ASPSCR1: variants seen among roughly 807,000 people sequenced by gnomAD.
ASPSCR1 encodes tether containing UBX domain for GLUT4.
Under a neutral mutation model 68.9 loss-of-function variants are expected in ASPSCR1, and 55 were observed. That is an observed-to-expected ratio of 0.80 (90% confidence interval 0.64 to 1.00). The LOEUF is 1.00. Among genes scored for constraint, ASPSCR1 ranks in the 50% least tolerant of loss-of-function variants. The pLI is 0.00. For missense variants in ASPSCR1, 765 were observed against 762.2 expected, an observed-to-expected ratio of 1.00 and a Z score of -0.04; for synonymous variants, 352 against 332.6, an observed-to-expected ratio of 1.06 and a Z score of -0.63.
At position 82,010,866 on chromosome 17, in the gene ASPSCR1, C is replaced by T; in HGVS notation, c.1235C>T (p.Thr412Ile). Residue 412 changes from threonine (T) to isoleucine (I), a missense_variant and splice_region_variant, in exon 10 of 16, where the codon ACA becomes ATA. Thr to Ile is a moderately conservative substitution (Grantham distance 89). Coordinates refer to ENST00000306739, the MANE Select transcript of ASPSCR1 (RefSeq NM_024083.4). The stretch of plus-strand genomic sequence containing the variant: ...CAGGGCTTCTTCCGCCCCAGCGAGA[C>T]AGGTGGGCAGCGCTGTGGGGTGTCC... ...VLQGFFRPSE[T>I]VGDLRDFVRS... 1.2e-6 allele frequency: 2 copies of T among 1,612,224 alleles called. No homozygotes were observed. The highest frequency in any genetic ancestry group is 1.7e-6 in the Non-Finnish European group (2 of 1,179,894).
intron 8 of ASPSCR1, 147 bp downstream of exon 8, chr17:82,009,338 G>A: frequency 2.2e-6 from 3 of 1,377,662 alleles, no homozygotes; most frequent in Non-Finnish European, 2.9e-6. Context: ...AGAGGGTTGG[G>A]GCCCAGGGAG....
At chr17:81,978,826 C>T in intron 1 of ASPSCR1, 1 of 337,266 alleles carries the variant, frequency 3.0e-6, no homozygotes, top group Non-Finnish European at 5.6e-6. Flanking sequence ...CGTGCCAGAG[C>T]CAGGGGGTAG....
At chr17:82,012,195 G>T (rs769829365) in intron 11 of ASPSCR1, 36 bp from the exon 12 acceptor site, 2 of 1,604,836 alleles carry the variant, frequency 1.2e-6, no homozygotes, top group Non-Finnish European at 1.7e-6. Context: ...CGAGGTCCAC[G>T]GTGCTTCCTA....
chr17:81,997,487 G>GTTTT (rs774654669), intron 7 of ASPSCR1, among the ~76,000 whole-genome samples: 1 of 135,904 alleles, frequency 7.4e-6, no homozygotes, highest in Non-Finnish European at 1.6e-5. Flanking sequence ...TTTTTTCTGG[G>GTTTT]TTTTTTTTTT....
In ASPSCR1 at chr17:81,985,495, T is replaced by C. The variant is rs552333701; in HGVS notation, c.274-12T>C. 38 of 1,613,432 alleles carry C rather than the reference T, an allele frequency of 2.4e-5. No individual in the cohort carries two copies. The highest frequency in any genetic ancestry group is 1.1e-4 in the East Asian group (5 of 44,870). On this transcript the variant is annotated splice_polypyrimidine_tract_variant and intron_variant, in intron 3 of 15. Coordinates refer to ENST00000306739, the MANE Select transcript of ASPSCR1 (RefSeq NM_024083.4). ...CTTCCTAAGGAAGTTTCTCATGTCT[T>C]ATACCCTCCAGGTTCGCATCGCTTT...
chr17:82,009,327 C>T, intron 8 of ASPSCR1, 136 bp downstream of exon 8: 1 of 1,399,888 alleles, frequency 7.1e-7, no homozygotes, highest in Non-Finnish European at 9.5e-7. Context: ...AACAGGACCT[C>T]AGAGGGTTGG....
intron 12 of ASPSCR1, 55 bp downstream of exon 12, chr17:82,012,338 G>C: frequency 6.4e-7 from 1 of 1,566,288 alleles, no homozygotes; most frequent in Admixed American, 1.7e-5. Context: ...GGGAGGGCAG[G>C]ACGAGAGCGT....
At position 81,983,744 on chromosome 17, in the gene ASPSCR1, AGTGGGGG is replaced by A; in HGVS notation, c.273+80_273+86del. ...GCTGGCCAGGGACGGGGGACGGGAC[AGTGGGGG>A]GTGCTGGGGAAGGAGGGACATGAGT... On this transcript the variant is annotated intron_variant, in intron 3 of 15. Coordinates refer to ENST00000306739, the MANE Select transcript of ASPSCR1 (RefSeq NM_024083.4). This position sits in a 1 kb window ranked among gnomAD's most constrained non-coding sequence, Gnocchi z 4.4. 1 of 1,234,546 alleles carries A rather than the reference AGTGGGGG, an allele frequency of 8.1e-7. No homozygotes were observed. The highest frequency in any genetic ancestry group is 1.1e-6 in the Non-Finnish European group (1 of 870,766). 76.5% of individuals were successfully genotyped at this position (1,234,546 alleles called of 1,614,324 possible).
In ASPSCR1 at chr17:82,011,584, C is replaced by T. The variant is rs763006339; in HGVS notation, c.1279C>T (p.Pro427Ser). The change falls in exon 11 of 16, where the codon CCC becomes TCC. Residue 427 changes from proline to serine, a missense_variant. Transcript: ENST00000306739. ...RDFVRSHLGN[P>S]ELSFYLFITP... The stretch of plus-strand genomic sequence containing the variant: ...CTTCGTGAGGAGCCACCTGGGGAAC[C>T]CCGAGCTGTCATTTTACCTGTGTAC... The T allele has an allele frequency of 1.3e-5, 21 of 1,591,598 alleles. No homozygotes were observed. In the Admixed American group the frequency reaches 3.9e-4, roughly 29 times the overall value.
intron 9 of ASPSCR1, chr17:82,009,900 G>T: frequency 4.2e-6 from 1 of 239,912 alleles, no homozygotes; most frequent in South Asian, 4.1e-5. Context: ...CCCTGCTCAT[G>T]ATTTAGAATG....
chr17:82,003,739 G>T (rs528178909), intron 7 of ASPSCR1, among the ~76,000 whole-genome samples: 1 of 152,244 alleles, frequency 6.6e-6, no homozygotes, highest in Non-Finnish European at 1.5e-5. Context: ...CACGCCGGTC[G>T]CAGCGGTCTC....
chr17:82,001,291 C>T (rs1470675668), intron 7 of ASPSCR1, among the ~76,000 whole-genome samples: 4 of 152,118 alleles, frequency 2.6e-5, no homozygotes, highest in African/African-American at 9.7e-5. Flanking sequence ...TGCCCCTGGA[C>T]CCTGACGCCG....
At chr17:82,003,708 C>T (rs758144587) in intron 7 of ASPSCR1, among the ~76,000 whole-genome samples, 1 of 152,256 alleles carries the variant, frequency 6.6e-6, no homozygotes, top group Non-Finnish European at 1.5e-5. Flanking sequence ...GTCCCGCCTG[C>T]GTCCTTTGTG....
rs200015531 is a variant in ASPSCR1 at position 82,001,996 on chromosome 17, C to A, written c.933+5150C>A. On this transcript the variant is annotated intron_variant, in intron 7 of 15. Coordinates refer to ENST00000306739, the MANE Select transcript of ASPSCR1 (RefSeq NM_024083.4). ...CTTATTTTTCTTTTCTTTTTTTTTT[C>A]TTTTTCCTTTTTTTTTTTTTTTTTT... 4.4e-5 allele frequency among the ~76,000 whole-genome samples: 6 copies of A among 136,712 alleles called. No individual in the cohort carries two copies. The South Asian group carries it at 6.9e-4, about 16-fold the overall frequency. The allele number at this position is 136,712 out of a possible 152,430, so 89.7% of individuals were successfully genotyped here.
chr17:81,987,461 G>A lies in ASPSCR1; in HGVS notation c.374+1854G>A, dbSNP rs902227892. Among the ~76,000 whole-genome samples the A allele has an allele frequency of 6.6e-5, 10 of 152,204 alleles. No individual in the cohort carries two copies. The highest frequency in any genetic ancestry group is 9.7e-5 in the African/African-American group (4 of 41,448). On this transcript the variant is annotated intron_variant, in intron 4 of 15. Coordinates refer to ENST00000306739, the MANE Select transcript of ASPSCR1 (RefSeq NM_024083.4). The surrounding 1 kb of genome is among the most constrained non-coding windows in gnomAD (Gnocchi z 5.6). ...CCTGGGCCGGGCGGTGCCCCCGGGCGTGAACAGAATCCAGTGCTCCCACAG... is the reference window on the plus strand; with the variant it reads ...CCTGGGCCGGGCGGTGCCCCCGGGCATGAACAGAATCCAGTGCTCCCACAG...
In ASPSCR1 at chr17:81,990,678, G is replaced by A. The variant is rs373475808; in HGVS notation, c.375-4143G>A. On this transcript the variant is annotated intron_variant, in intron 4 of 15. Coordinates refer to ENST00000306739, the MANE Select transcript of ASPSCR1 (RefSeq NM_024083.4). This position sits in a 1 kb window ranked among gnomAD's most constrained non-coding sequence, Gnocchi z 4.1. ...GCCTTCCGTGATAGGAGACGCATGA[G>A]ATGGAAATGAGGATTTCATGGCCTA... is the stretch of plus-strand genomic sequence containing the variant. Among the ~76,000 whole-genome samples, 24 of 152,354 alleles carry A rather than the reference G, an allele frequency of 1.6e-4. No homozygotes were observed. The South Asian group carries it at 4.8e-3, about 30-fold the overall frequency.
chr17:82,009,452 C>T, intron 8 of ASPSCR1, 34 bp from the exon 9 acceptor site: 7 of 1,546,258 alleles, frequency 4.5e-6, no homozygotes, highest in Non-Finnish European at 6.1e-6. Flanking sequence ...CCCATTCTGA[C>T]CAGAAGCCCT....
Position 81,994,847 on chromosome 17 carries a change from C to G in ASPSCR1, c.401C>G (p.Ala134Gly). ...IRECLQHPGG[A>G]TPVCVYTRDE... is the part of the protein sequence containing the mutation. ...GAGTGCCTGCAGCACCCCGGCGGGG[C>G]CACCCCAGTCTGCGTGTACACGAGG... Residue 134 changes from alanine (A) to glycine (G), a missense_variant, in exon 5 of 16, where the codon GCC becomes GGC. Ala to Gly is a moderately conservative substitution (Grantham distance 60). Transcript: ENST00000306739. The G allele has an allele frequency of 6.2e-7, 1 of 1,613,252 alleles. No homozygotes were observed. The highest frequency in any genetic ancestry group is 8.5e-7 in the Non-Finnish European group (1 of 1,179,912).
At chr17:82,011,479 G>A (rs1454087258) in intron 10 of ASPSCR1, 64 bp from the exon 11 acceptor site, 2 of 1,481,528 alleles carry the variant, frequency 1.3e-6, no homozygotes, top group Non-Finnish European at 1.8e-6. Flanking sequence ...TGGCCCAGGT[G>A]CTGGGGCAGC....
Sources: gnomAD v4.1 joint callset for allele counts (sites outside exome capture counted in the v4.1 genomes callset) on GRCh38, gnomAD v4.1.1 for gene constraint, Gnocchi (gnomAD v3.1) non-coding constraint, MANE v1.5 for transcripts, NCBI Gene and HGNC (gene_info 2026-07-23, HGNC 2026-07-21) for gene names.